Variants in CTNND2 observed in about 807,000 individuals in gnomAD.
The protein encoded by CTNND2 is catenin delta 2, also known as catenin delta-2.
Under a neutral mutation model 144.4 loss-of-function variants are expected in CTNND2, and 22 were observed. The ratio of observed to expected loss-of-function variants is 0.15; its 90% CI spans 0.11 to 0.22. The LOEUF (loss-of-function observed/expected upper bound fraction) is 0.22. Ranked by LOEUF, CTNND2 falls within the 10% of genes least tolerant of loss-of-function variation. The pLI, the probability that CTNND2 is intolerant of heterozygous loss-of-function variation, is 1.00. For synonymous variants in CTNND2, 751 were observed against 695.6 expected (o/e 1.08, Z -1.25); for missense variants, 1,353 against 1,618.8 (o/e 0.84, Z 2.82).
chr5:11,243,050 G>A (rs148414878), intron 9 of CTNND2, among the ~76,000 whole-genome samples: 146 of 152,210 alleles, frequency 9.6e-4, no homozygotes, highest in African/African-American at 2.2e-3. Flanking sequence ...ATGTAATACC[G>A]CTGAAGGTTT....
intron 3 of CTNND2, among the ~76,000 whole-genome samples, chr5:11,434,833 C>T (rs1191488338): frequency 6.6e-6 from 1 of 152,056 alleles, no homozygotes; most frequent in African/African-American, 2.4e-5. Flanking sequence ...ATCCCAGGCT[C>T]AAACATGTTG....
intron 7 of CTNND2, among the ~76,000 whole-genome samples, chr5:11,376,931 C>G (rs1287526727): frequency 2.0e-5 from 3 of 152,192 alleles, no homozygotes; most frequent in African/African-American, 7.2e-5. Context: ...AAAGTCCAGA[C>G]AGAGCTCATT....
At chr5:11,313,330 G>C (rs1008717329) in intron 9 of CTNND2, among the ~76,000 whole-genome samples, 1 of 152,124 alleles carries the variant, frequency 6.6e-6, no homozygotes, top group Non-Finnish European at 1.5e-5. Flanking sequence ...GGCTGCTCAG[G>C]GTGCTCAGGG....
rs558158611 is a variant in CTNND2 at position 11,405,518 on chromosome 5, G to T, written c.439+6018C>A. Among the ~76,000 whole-genome samples, 3 of 151,932 alleles carry T rather than the reference G, an allele frequency of 2.0e-5. No individual in the cohort carries two copies. In the South Asian group the frequency reaches 6.3e-4, roughly 32 times the overall value. On this transcript the variant is annotated intron_variant, in intron 5 of 21. Coordinates refer to ENST00000304623, the MANE Select transcript of CTNND2 (RefSeq NM_001332.4). ...AATCACTTGAACCCAGGAGATAGAC[G>T]TTGCAGTGAGATGAGACTGCACTAT... is the stretch of plus-strand genomic sequence containing the variant.
At chr5:11,052,462 T>G (rs1316120875) in intron 16 of CTNND2, among the ~76,000 whole-genome samples, 1 of 152,190 alleles carries the variant, frequency 6.6e-6, no homozygotes, top group East Asian at 1.9e-4. Context: ...AACTTGATTG[T>G]TCAATCCAGA....
At chr5:11,042,874 G>C (rs1457669196) in intron 16 of CTNND2, among the ~76,000 whole-genome samples, 3 of 152,094 alleles carry the variant, frequency 2.0e-5, no homozygotes, top group Admixed American at 6.5e-5. Flanking sequence ...TTCATGCCAG[G>C]TGCCTGAACT....
At chr5:11,282,624 A>G (rs910151849) in intron 9 of CTNND2, among the ~76,000 whole-genome samples, 1 of 152,186 alleles carries the variant, frequency 6.6e-6, no homozygotes, top group Non-Finnish European at 1.5e-5. Flanking sequence ...ATGCTAGGCA[A>G]CCAACATTAC....
chr5:11,086,685 G>T (rs188180791), intron 15 of CTNND2, among the ~76,000 whole-genome samples: 2 of 152,300 alleles, frequency 1.3e-5, no homozygotes, highest in East Asian at 3.9e-4. Context: ...GGAGAAGTCA[G>T]TATCTTTTAA....
rs546943165 is a variant in CTNND2, at chr5:11,397,059, G to A, written c.584C>T (p.Ala195Val). 13 of 1,613,820 alleles carry A rather than the reference G, an allele frequency of 8.1e-6. No individual in the cohort carries two copies. The highest frequency in any genetic ancestry group is 8.0e-5 in the African/African-American group (6 of 75,026). ...PSQLPARGTQ[A>V]RATGQSFSQG... Reference sequence around the variant, plus strand: ...GCTGAAGCTCTGGCCCGTAGCTCGGGCTTGTGTGCCTCGGGCCGGGAGCTG... The same window carrying A: ...GCTGAAGCTCTGGCCCGTAGCTCGGACTTGTGTGCCTCGGGCCGGGAGCTG... Residue 195 changes from alanine (A) to valine (V), a missense_variant, in exon 6 of 22, where the codon GCC becomes GTC. Physicochemically the swap from Ala to Val is moderately conservative, Grantham distance 64. Transcript: ENST00000304623.
At chr5:11,767,824 C>T (rs1367791124) in intron 1 of CTNND2, among the ~76,000 whole-genome samples, 1 of 152,174 alleles carries the variant, frequency 6.6e-6, no homozygotes, top group African/African-American at 2.4e-5. Context: ...GCCTTCATCG[C>T]TGTTCCCCCT....
intron 3 of CTNND2, among the ~76,000 whole-genome samples, chr5:11,537,082 A>G (rs1774277413): frequency 6.6e-6 from 1 of 151,878 alleles, no homozygotes; most frequent in Admixed American, 6.6e-5. Flanking sequence ...ATTAGTCTCT[A>G]GTAACCCCTC....
At chr5:11,616,984 C>T (rs1780612989) in intron 2 of CTNND2, among the ~76,000 whole-genome samples, 1 of 152,096 alleles carries the variant, frequency 6.6e-6, no homozygotes, top group South Asian at 2.1e-4. Flanking sequence ...CTAGGTATTG[C>T]CTGTAAGGAT....
chr5:11,438,751 A>C (rs906256445), intron 3 of CTNND2, among the ~76,000 whole-genome samples: 3 of 152,186 alleles, frequency 2.0e-5, no homozygotes, highest in African/African-American at 7.2e-5. Context: ...TTTAATCGGT[A>C]TCTAGAAAAA....
intron 1 of CTNND2, among the ~76,000 whole-genome samples, chr5:11,746,934 A>C (rs1416648465): frequency 6.6e-6 from 1 of 152,194 alleles, no homozygotes; most frequent in Admixed American, 6.6e-5. Flanking sequence ...TAAATCTATT[A>C]AGTATATAGC....
intron 7 of CTNND2, among the ~76,000 whole-genome samples, chr5:11,381,694 G>A (rs185840289): frequency 1.9e-3 from 282 of 152,324 alleles, no homozygotes; most frequent in African/African-American, 6.4e-3. Context: ...GGGACCAGGT[G>A]TGGTGGCTCA....
chr5:11,847,475 TG>T (rs1460444173), intron 1 of CTNND2, among the ~76,000 whole-genome samples: 1 of 151,806 alleles, frequency 6.6e-6, no homozygotes, highest in Non-Finnish European at 1.5e-5. Flanking sequence ...TACCAGAGGC[TG>T]GGAAGGAGGA....
At chr5:11,377,272 G>T (rs1352543316) in intron 7 of CTNND2, among the ~76,000 whole-genome samples, 1 of 151,962 alleles carries the variant, frequency 6.6e-6, no homozygotes, top group East Asian at 1.9e-4. Flanking sequence ...GGTCAGGCTG[G>T]TCTCGAACTC....
chr5:11,564,845 T>C (rs949837142), intron 3 of CTNND2, 99 bp downstream of exon 3: 1 of 749,832 alleles, frequency 1.3e-6, no homozygotes, highest in Non-Finnish European at 2.3e-6. Flanking sequence ...TTTGACTGAA[T>C]GTTCCAATTC....
intron 16 of CTNND2, among the ~76,000 whole-genome samples, chr5:11,061,181 G>A (rs1746929925): frequency 6.6e-6 from 1 of 151,896 alleles, no homozygotes; most frequent in Non-Finnish European, 1.5e-5. Flanking sequence ...AGCAAACCTT[G>A]CTGGTTCCAC....
Sources: gnomAD v4.1 joint callset for allele counts (sites outside exome capture counted in the v4.1 genomes callset) on GRCh38, gnomAD v4.1.1 for gene constraint, MANE v1.5 for transcripts, NCBI Gene and HGNC (gene_info 2026-07-23, HGNC 2026-07-21) for gene names.